VTI1A: variants seen among roughly 807,000 people sequenced by gnomAD.
VTI1A encodes the protein vesicle transport through interaction with t-SNAREs 1A.
VTI1A carries 22 observed loss-of-function variants against 34.9 expected under a neutral mutation model. The observed-to-expected ratio is 0.63, with a 90% CI of 0.45 to 0.90. The LOEUF is 0.90. VTI1A is among the 40% of genes least tolerant of loss of function. VTI1A has a pLI of 0.00. For missense variants in VTI1A, 268 were observed against 275.6 expected, an observed-to-expected ratio of 0.97 and a Z score of 0.20; for synonymous variants, 87 against 97.3, an observed-to-expected ratio of 0.89 and a Z score of 0.62.
intron 6 of VTI1A, 34 bp from the exon 7 acceptor site, chr10:112,668,903 A>C: frequency 6.2e-7 from 1 of 1,608,834 alleles, no homozygotes; most frequent in Non-Finnish European, 8.5e-7. Flanking sequence ...ATCTAATTGC[A>C]TGAACTTCTG....
At chr10:112,724,553 C>T (rs540970807) in intron 7 of VTI1A, among the ~76,000 whole-genome samples, 2 of 152,112 alleles carry the variant, frequency 1.3e-5, no homozygotes, top group African/African-American at 4.8e-5. Context: ...ATGAACTCAG[C>T]ACAAATTGCT....
At chr10:112,772,468 A>C (rs1851839999) in intron 7 of VTI1A, among the ~76,000 whole-genome samples, 1 of 152,226 alleles carries the variant, frequency 6.6e-6, no homozygotes, top group Admixed American at 6.5e-5. Context: ...TACGATCTGC[A>C]AACATGTTCT....
chr10:112,667,861 A>G (rs1335762232), intron 5 of VTI1A, among the ~76,000 whole-genome samples: 3 of 152,180 alleles, frequency 2.0e-5, no homozygotes, highest in African/African-American at 7.2e-5. Flanking sequence ...CATTAACATT[A>G]CTAGTAACCT....
chr10:112,632,977 G>A (rs1564857944), intron 5 of VTI1A, among the ~76,000 whole-genome samples: 1 of 152,134 alleles, frequency 6.6e-6, no homozygotes, highest in Non-Finnish European at 1.5e-5. Flanking sequence ...TACAGCTAGG[G>A]CATTATATTG....
At chr10:112,786,209 A>G (rs1852282796) in intron 7 of VTI1A, among the ~76,000 whole-genome samples, 1 of 152,070 alleles carries the variant, frequency 6.6e-6, no homozygotes, top group Non-Finnish European at 1.5e-5. Context: ...TTTTGATGCT[A>G]TTGTGAATTA....
intron 7 of VTI1A, among the ~76,000 whole-genome samples, chr10:112,797,379 C>T (rs1185684573): frequency 6.6e-6 from 1 of 152,130 alleles, no homozygotes; most frequent in Non-Finnish European, 1.5e-5. Flanking sequence ...TTGCTGGGAA[C>T]GCCTGCAGCT....
chr10:112,688,764 C>G (rs1325003105), intron 7 of VTI1A, among the ~76,000 whole-genome samples: 2 of 152,022 alleles, frequency 1.3e-5, no homozygotes, highest in East Asian at 3.8e-4. Context: ...GTCTCAAACT[C>G]CTGAGCTCAG....
At chr10:112,709,930 A>G (rs537128035) in intron 7 of VTI1A, among the ~76,000 whole-genome samples, 19 of 148,090 alleles carry the variant, frequency 1.3e-4, no homozygotes, top group African/African-American at 4.8e-4. Flanking sequence ...AGCTCAAGCA[A>G]TCCACCTGCC....
chr10:112,451,675 A>G (rs1196708858), intron 1 of VTI1A, among the ~76,000 whole-genome samples: 2 of 152,184 alleles, frequency 1.3e-5, no homozygotes, highest in Non-Finnish European at 2.9e-5. Flanking sequence ...TGGTTATGCC[A>G]AGCCCTGGAG....
chr10:112,528,606 T>C (rs996491098), intron 4 of VTI1A, among the ~76,000 whole-genome samples: 29 of 152,202 alleles, frequency 1.9e-4, no homozygotes, highest in African/African-American at 7.0e-4. Context: ...TATTTTCTTC[T>C]GTTTTTAAAG....
intron 7 of VTI1A, among the ~76,000 whole-genome samples, chr10:112,683,924 T>G (rs984562052): frequency 6.6e-6 from 1 of 152,022 alleles, no homozygotes; most frequent in Non-Finnish European, 1.5e-5. Context: ...GTGCCTGTAA[T>G]CGCAGCTACT....
chr10:112,505,581 T>C (rs1264771812), intron 3 of VTI1A, among the ~76,000 whole-genome samples: 1 of 152,196 alleles, frequency 6.6e-6, no homozygotes, highest in African/African-American at 2.4e-5. Flanking sequence ...TATTGAGATA[T>C]ACTTGACATA....
intron 5 of VTI1A, among the ~76,000 whole-genome samples, chr10:112,617,190 T>A (rs1405000658): frequency 6.6e-6 from 1 of 152,186 alleles, no homozygotes; most frequent in African/African-American, 2.4e-5. Context: ...AGATTGAAAG[T>A]AGGCATCTCA....
intron 5 of VTI1A, among the ~76,000 whole-genome samples, chr10:112,554,650 C>T (rs1273575269): frequency 1.3e-5 from 2 of 152,054 alleles, no homozygotes; most frequent in Non-Finnish European, 2.9e-5. Context: ...CCTGACTTCT[C>T]TTTTTTAATT....
intron 5 of VTI1A, among the ~76,000 whole-genome samples, chr10:112,557,979 A>G (rs1159343695): frequency 1.3e-5 from 2 of 152,240 alleles, no homozygotes. Flanking sequence ...ATGAGGTAGA[A>G]AAGGCGTGGT....
intron 7 of VTI1A, among the ~76,000 whole-genome samples, chr10:112,802,728 T>C (rs1211577233): frequency 6.6e-6 from 1 of 152,216 alleles, no homozygotes; most frequent in Non-Finnish European, 1.5e-5. Flanking sequence ...CCTTTTTGTT[T>C]TTTTTAAGTA....
At chr10:112,537,967 C>T (rs535706885) in intron 4 of VTI1A, among the ~76,000 whole-genome samples, 1 of 152,246 alleles carries the variant, frequency 6.6e-6, no homozygotes, top group South Asian at 2.1e-4. Context: ...TGGGTATGGT[C>T]TTCGTACTTT....
intron 5 of VTI1A, among the ~76,000 whole-genome samples, chr10:112,603,210 A>G (rs183318457): frequency 6.6e-6 from 1 of 152,342 alleles, no homozygotes; most frequent in African/African-American, 2.4e-5. Flanking sequence ...TTGAAATTGC[A>G]AGCATGAGTA....
chr10:112,643,134 G>A (rs993323663), intron 5 of VTI1A, among the ~76,000 whole-genome samples: 4 of 148,970 alleles, frequency 2.7e-5, no homozygotes, highest in Admixed American at 2.0e-4. Context: ...ACAGGCACCC[G>A]CCACCACACC....
Sources: gnomAD v4.1 joint callset for allele counts (sites outside exome capture counted in the v4.1 genomes callset) on GRCh38, gnomAD v4.1.1 for gene constraint, MANE v1.5 for transcripts, NCBI Gene and HGNC (gene_info 2026-07-23, HGNC 2026-07-21) for gene names.